Variants in HTR1E observed in about 807,000 individuals in gnomAD.
The protein encoded by HTR1E is 5-hydroxytryptamine receptor 1E, also known as 5-HT-1E.
HTR1E carries 3 observed loss-of-function variants against 3.4 expected under a neutral mutation model. The observed-to-expected ratio is 0.89, with a 90% CI of 0.41 to 2.31. The LOEUF is 2.31. Among genes scored for constraint, HTR1E ranks in the 30% most tolerant of loss-of-function variants. The probability of loss-of-function intolerance (pLI) is 0.05; values close to 1 mark genes in which losing one functional copy is unlikely to be tolerated. For synonymous variants in HTR1E, 170 were observed against 182.8 expected, an observed-to-expected ratio of 0.93 and a Z score of 0.56; for missense variants, 392 against 467.0, an observed-to-expected ratio of 0.84 and a Z score of 1.48.
chr6:86,969,679 G>C (rs1767521225), intron 1 of HTR1E, among the ~76,000 whole-genome samples: 1 of 152,060 alleles, frequency 6.6e-6, no homozygotes, highest in Admixed American at 6.6e-5. Flanking sequence ...TTTCTCTCTG[G>C]ATGACTTCTT....
At chr6:87,003,498 C>T (rs1768054724) in intron 1 of HTR1E, among the ~76,000 whole-genome samples, 1 of 151,158 alleles carries the variant, frequency 6.6e-6, no homozygotes, top group Non-Finnish European at 1.5e-5. Flanking sequence ...GAGACTGCGC[C>T]ATTGCACTCC....
intron 1 of HTR1E, among the ~76,000 whole-genome samples, chr6:87,008,953 T>A (rs930124139): frequency 2.0e-5 from 3 of 152,220 alleles, no homozygotes; most frequent in Non-Finnish European, 2.9e-5. Flanking sequence ...GAAAGTTACA[T>A]CACTCAAATA....
intron 1 of HTR1E, among the ~76,000 whole-genome samples, chr6:86,995,924 A>G (rs1263573413): frequency 2.0e-5 from 3 of 152,076 alleles, no homozygotes; most frequent in Non-Finnish European, 4.4e-5. Context: ...CACCAAGAAG[A>G]CATAGCAATT....
intron 1 of HTR1E, among the ~76,000 whole-genome samples, chr6:86,963,384 T>G (rs1192183610): frequency 1.3e-5 from 2 of 152,174 alleles, no homozygotes; most frequent in African/African-American, 4.8e-5. Context: ...TTAAAAAAAT[T>G]TAAATACTTA....
chr6:86,980,214 T>C (rs1035586533), intron 1 of HTR1E, among the ~76,000 whole-genome samples: 3 of 151,792 alleles, frequency 2.0e-5, no homozygotes, highest in Non-Finnish European at 4.4e-5. Context: ...GGTGAAACCC[T>C]GTCTCTACTA....
At chr6:86,957,563 C>T (rs1767343761) in intron 1 of HTR1E, among the ~76,000 whole-genome samples, 1 of 152,170 alleles carries the variant, frequency 6.6e-6, no homozygotes, top group Non-Finnish European at 1.5e-5. Context: ...TTTTAAGGGA[C>T]TGTCCATGAA....
intron 1 of HTR1E, among the ~76,000 whole-genome samples, chr6:86,939,524 A>G (rs1768517602): frequency 6.6e-6 from 1 of 152,210 alleles, no homozygotes; most frequent in South Asian, 2.1e-4. Context: ...CTAGTAACAG[A>G]GCTAGAAAGG....
chr6:87,011,943 A>G (rs1350972985), intron 1 of HTR1E, among the ~76,000 whole-genome samples: 1 of 152,198 alleles, frequency 6.6e-6, no homozygotes, highest in Non-Finnish European at 1.5e-5. Context: ...AACAGAAAAG[A>G]TCCTGGGGGT....
chr6:87,016,667 T>C lies in HTR1E; in HGVS notation c.*235T>C. 3 of 366,266 alleles carry C rather than the reference T, an allele frequency of 8.2e-6. No homozygotes were observed. Among genetic ancestry groups the C allele is most frequent in the Non-Finnish European group, 1.5e-5 (3 of 198,730 alleles). 22.7% of individuals were successfully genotyped at this position (366,266 alleles called of 1,614,324 possible). A position where few individuals can be genotyped will look rare whatever the true frequency, so the allele number is the denominator to read the frequency against. On this transcript the variant is annotated 3_prime_UTR_variant, in exon 2 of 2. Coordinates refer to ENST00000305344, the MANE Select transcript of HTR1E (RefSeq NM_000865.3). ...GATACATAATTTCAAATAAACATTA[T>C]CATACAAAAACAGAAATTTTGTAGA...
At chr6:86,998,977 TCAAA>T (rs1767980953) in intron 1 of HTR1E, among the ~76,000 whole-genome samples, 1 of 152,176 alleles carries the variant, frequency 6.6e-6, no homozygotes, top group Non-Finnish European at 1.5e-5. Flanking sequence ...TTGTTTATTT[TCAAA>T]CAGAGTCTCG....
chr6:86,939,238 CG>C (rs1444348521), intron 1 of HTR1E, among the ~76,000 whole-genome samples: 1 of 152,204 alleles, frequency 6.6e-6, no homozygotes, highest in Non-Finnish European at 1.5e-5. Context: ...CTCCAGCCCA[CG>C]GAGTTGTGAT....
At chr6:86,996,457 A>G (rs1368571001) in intron 1 of HTR1E, among the ~76,000 whole-genome samples, 1 of 149,998 alleles carries the variant, frequency 6.7e-6, no homozygotes, top group South Asian at 2.1e-4. Flanking sequence ...AATAAAATTG[A>G]CAAACCTTAT....
At chr6:86,960,765 A>C (rs1160343297) in intron 1 of HTR1E, among the ~76,000 whole-genome samples, 1 of 152,200 alleles carries the variant, frequency 6.6e-6, no homozygotes, top group Non-Finnish European at 1.5e-5. Flanking sequence ...ATTCTCCTTT[A>C]GCCCTATAGT....
chr6:87,014,388 G>A (rs1050445906), intron 1 of HTR1E, among the ~76,000 whole-genome samples: 2 of 152,012 alleles, frequency 1.3e-5, no homozygotes, highest in African/African-American at 4.8e-5. Context: ...CATTGTGGAA[G>A]ACAGTATGGC....
intron 1 of HTR1E, among the ~76,000 whole-genome samples, chr6:86,998,483 A>T (rs1422478869): frequency 6.6e-6 from 1 of 152,162 alleles, no homozygotes; most frequent in East Asian, 1.9e-4. Flanking sequence ...AATATTGTGT[A>T]AGTCAAATAA....
chr6:86,937,754 T>A lies in HTR1E; in HGVS notation c.-255T>A, dbSNP rs1398711224. On this transcript the variant is annotated 5_prime_UTR_variant, in exon 1 of 2. Transcript: ENST00000305344. ...AGGAGAAAAAGGAGCGGGTTCCGAG[T>A]GAGACTTCTGGAGCCAGCTGGACGT... The A allele has an allele frequency of 6.5e-6, 1 of 152,790 alleles. No individual in the cohort carries two copies. Among genetic ancestry groups the A allele is most frequent in the Non-Finnish European group, 1.5e-5 (1 of 68,244 alleles). 9.5% of individuals were successfully genotyped at this position (152,790 alleles called of 1,614,324 possible). A position where few individuals can be genotyped will look rare whatever the true frequency, so the allele number is the denominator to read the frequency against.
chr6:87,009,050 TTTTTA>T (rs909084222), intron 1 of HTR1E, among the ~76,000 whole-genome samples: 1 of 149,038 alleles, frequency 6.7e-6, no homozygotes, highest in Non-Finnish European at 1.5e-5. Context: ...GCCACACTTC[TTTTTA>T]TTTTTTTTTT....
intron 1 of HTR1E, among the ~76,000 whole-genome samples, chr6:86,965,122 C>T (rs994883171): frequency 6.6e-6 from 1 of 152,176 alleles, no homozygotes; most frequent in African/African-American, 2.4e-5. Context: ...ACTTGAGGGA[C>T]TCAGCATCCC....
chr6:87,007,118 G>A (rs1192148269), intron 1 of HTR1E, among the ~76,000 whole-genome samples: 1 of 152,142 alleles, frequency 6.6e-6, no homozygotes, highest in Non-Finnish European at 1.5e-5. Context: ...TAGTGCATAT[G>A]TACAATCAAG....
Sources: allele counts gnomAD v4.1 joint callset (sites outside exome capture counted in the v4.1 genomes callset), GRCh38; gene constraint gnomAD v4.1.1; transcripts MANE v1.5; gene names NCBI Gene and HGNC (gene_info 2026-07-23, HGNC 2026-07-21).